The following DOCK7 variants were observed in gnomAD, a reference collection of about 807,000 sequenced individuals.
DOCK7 encodes the protein dedicator of cytokinesis protein 7.
Under a neutral mutation model 271.0 loss-of-function variants are expected in DOCK7, and 138 were observed. That is an observed-to-expected ratio of 0.51 (90% confidence interval 0.44 to 0.59). The LOEUF is 0.59. Among genes scored for constraint, DOCK7 ranks in the 20% least tolerant of loss-of-function variants. The probability of loss-of-function intolerance (pLI) is 0.00; values close to 1 mark genes in which losing one functional copy is unlikely to be tolerated. For synonymous variants in DOCK7, 823 were observed against 876.1 expected (o/e 0.94, Z 1.07); for missense variants, 2,066 against 2,592.4 (o/e 0.80, Z 4.41).
At chr1:62,596,934 G>A (rs991985830) in intron 14 of DOCK7, among the ~76,000 whole-genome samples, 3 of 151,914 alleles carry the variant, frequency 2.0e-5, no homozygotes, top group Admixed American at 6.6e-5. Context: ...ATACAAGGAT[G>A]GTTAAGACAT....
chr1:62,561,353 C>T lies in DOCK7; in HGVS notation c.2199+264G>A, dbSNP rs4329540. Among the ~76,000 whole-genome samples the T allele has an allele frequency of 0.58, 88,056 of 151,940 alleles. 27,309 individuals carry two copies. The highest frequency in any genetic ancestry group is 0.76 in the East Asian group (3,916 of 5,172). The stretch of plus-strand genomic sequence containing the variant: ...GGTTTCTCAATTCTAATTAATTCTG[C>T]CATGTACCAGAAACTTAGAAAAAAC... On this transcript the variant is annotated intron_variant, in intron 19 of 49. Transcript: ENST00000635253.
intron 1 of DOCK7, among the ~76,000 whole-genome samples, chr1:62,665,935 G>A (rs923834326): frequency 1.3e-4 from 20 of 152,010 alleles, no homozygotes; most frequent in Non-Finnish European, 2.6e-4. Flanking sequence ...AGGCCGAGGC[G>A]GGCGGATCAC....
rs541533193 is a variant in DOCK7 at position 62,571,529 on chromosome 1, C to A, written c.2112+5733G>T. ...AAGACCTAGAACCAGAAATACCATT[C>A]GAACCAGCAATCTCATTACTGGGTA... On this transcript the variant is annotated intron_variant, in intron 18 of 49. Transcript: ENST00000635253. Among the ~76,000 whole-genome samples, 4 of 152,094 alleles carry A rather than the reference C, an allele frequency of 2.6e-5. No individual in the cohort carries two copies. In the South Asian group the frequency reaches 8.3e-4, roughly 32 times the overall value.
At chr1:62,464,476 G>A (rs886639267) in intron 48 of DOCK7, among the ~76,000 whole-genome samples, 2 of 150,846 alleles carry the variant, frequency 1.3e-5, no homozygotes, top group Non-Finnish European at 3.0e-5. Context: ...GAGGTCAGGA[G>A]TTCGAGACCA....
intron 30 of DOCK7, among the ~76,000 whole-genome samples, chr1:62,528,902 T>G (rs1052061186): frequency 7.9e-5 from 12 of 152,208 alleles, no homozygotes; most frequent in African/African-American, 2.9e-4. Flanking sequence ...ATTCCTGATA[T>G]TCAAGTGAAT....
intron 48 of DOCK7, 122 bp downstream of exon 48, chr1:62,473,860 C>T: frequency 1.6e-6 from 1 of 634,050 alleles, no homozygotes; most frequent in Non-Finnish European, 2.6e-6. Flanking sequence ...GCTGAGATTG[C>T]AGGTGTAAGC....
At chr1:62,550,789 C>T (rs927229172) in intron 22 of DOCK7, among the ~76,000 whole-genome samples, 3 of 146,420 alleles carry the variant, frequency 2.0e-5, no homozygotes, top group Non-Finnish European at 3.0e-5. Flanking sequence ...GGTGAGATCT[C>T]GGCTCCCTGC....
chr1:62,494,467 T>C lies in DOCK7; in HGVS notation c.5025A>G (p.Arg1675=). ...DPEMLIDLMY[R]IAKGYQTSPD... ...GAGAGGTCTGGTAACCCTTGGCAAT[T>C]CTAATTAGAACAGAAATTCTTCTCC... Residue 1675 remains arginine, a splice_region_variant and synonymous_variant, in exon 40 of 50, where the codon AGA becomes AGG. Transcript: ENST00000635253. 6.3e-7 allele frequency: 1 copy of C among 1,592,844 alleles called. No homozygotes were observed. The highest frequency in any genetic ancestry group is 8.6e-7 in the Non-Finnish European group (1 of 1,163,578).
At chr1:62,561,584 T>C in intron 19 of DOCK7, 33 bp downstream of exon 19, 1 of 1,358,170 alleles carries the variant, frequency 7.4e-7, no homozygotes, top group Non-Finnish European at 9.9e-7. Flanking sequence ...TTTATTTAAG[T>C]GAAATTTGAT....
intron 14 of DOCK7, chr1:62,604,439 A>G (rs1650642484): frequency 3.4e-6 from 3 of 890,620 alleles, no homozygotes; most frequent in Non-Finnish European, 1.7e-6. Flanking sequence ...CAGATTTTCT[A>G]TTTTTTGGTA....
chr1:62,521,554 C>T (rs1423130505), intron 31 of DOCK7, among the ~76,000 whole-genome samples: 4 of 151,880 alleles, frequency 2.6e-5, no homozygotes, highest in Non-Finnish European at 5.9e-5. Flanking sequence ...AAAATCTAGC[C>T]GTAGAAAAAA....
At chr1:62,649,702 A>G (rs1046554436) in intron 4 of DOCK7, among the ~76,000 whole-genome samples, 6 of 152,108 alleles carry the variant, frequency 3.9e-5, no homozygotes, top group Non-Finnish European at 7.4e-5. Flanking sequence ...ATAATTACCC[A>G]TTCAACCCCA....
intron 47 of DOCK7, 116 bp from the exon 48 acceptor site, chr1:62,474,204 T>C: frequency 1.4e-6 from 1 of 716,454 alleles, no homozygotes; most frequent in Non-Finnish European, 2.4e-6. Flanking sequence ...GCTTAATGCA[T>C]ATATGCCTAT....
intron 1 of DOCK7, among the ~76,000 whole-genome samples, chr1:62,676,499 A>C (rs528857920): frequency 6.6e-6 from 1 of 152,366 alleles, no homozygotes; most frequent in East Asian, 1.9e-4. Flanking sequence ...TGTACACTTA[A>C]AATGAATGAA....
chr1:62,617,094 C>CAA (rs562770955), intron 14 of DOCK7, among the ~76,000 whole-genome samples: 24 of 99,082 alleles, frequency 2.4e-4, no homozygotes, highest in African/African-American at 7.5e-4. Context: ...GACTCTATTG[C>CAA]AAAAAAAAAA....
chr1:62,553,354 ATTTTTTTTTTTTTTTTTT>A (rs1159680880), intron 21 of DOCK7, among the ~76,000 whole-genome samples: 175 of 17,270 alleles, frequency 0.01, 1 homozygote, highest in Middle Eastern at 0.033. Flanking sequence ...ATATATATAT[ATTTTTTTTTTTTTTTTTT>A]TTTTTTTTTT....
chr1:62,602,507 T>C lies in DOCK7; in HGVS notation c.1683-15883A>G, dbSNP rs866230952. ...AAGCAGTCTCAGCCTTCATATAATT[T>C]ATTATCAAACAATTACACATTTGTT... On this transcript the variant is annotated intron_variant, in intron 14 of 49. Transcript: ENST00000635253. 9.1e-6 allele frequency: 7 copies of C among 772,860 alleles called. No homozygotes were observed. The Middle Eastern group carries it at 1.3e-3, about 148-fold the overall frequency. 47.9% of individuals were successfully genotyped at this position (772,860 alleles called of 1,614,324 possible). A position where few individuals can be genotyped will look rare whatever the true frequency, so the allele number is the denominator to read the frequency against.
chr1:62,488,868 AAAC>A (rs1194132139), intron 42 of DOCK7, 63 bp downstream of exon 42: 3 of 1,601,090 alleles, frequency 1.9e-6, no homozygotes, highest in African/African-American at 2.7e-5. Flanking sequence ...CATCAGTGCA[AAAC>A]AACATTAATG....
intron 2 of DOCK7, among the ~76,000 whole-genome samples, chr1:62,658,577 A>T (rs1048136645): frequency 6.6e-6 from 1 of 152,226 alleles, no homozygotes; most frequent in East Asian, 1.9e-4. Context: ...AGTCAAAAGA[A>T]AGTGGCACAA....
Sources: allele counts gnomAD v4.1 joint callset (sites outside exome capture counted in the v4.1 genomes callset), GRCh38; gene constraint gnomAD v4.1.1; transcripts MANE v1.5; gene names NCBI Gene and HGNC (gene_info 2026-07-23, HGNC 2026-07-21).